Variants in ZNF503 observed in about 807,000 individuals in gnomAD.
ZNF503 encodes zinc finger protein 503.
Under a neutral mutation model 34.4 loss-of-function variants are expected in ZNF503, and 15 were observed. That is an observed-to-expected ratio of 0.44 (90% CI 0.29 to 0.67). The LOEUF (loss-of-function observed/expected upper bound fraction) is 0.67. Among genes scored for constraint, ZNF503 ranks in the 30% least tolerant of loss-of-function variants. The pLI is 0.13. For synonymous variants in ZNF503, 580 were observed against 456.8 expected (o/e 1.27, Z -3.44); for missense variants, 1,007 against 926.8 (o/e 1.09, Z -1.12).
chr10:75,341,146 C>T, the ZNF503 span, among the ~76,000 whole-genome samples: 1 of 152,166 alleles, frequency 6.6e-6, no homozygotes, highest in African/African-American at 2.4e-5. Context: ...AGACTGTGTA[C>T]ATTACTTTGC....
chr10:75,362,472 G>A, the ZNF503 span, among the ~76,000 whole-genome samples: 1 of 151,940 alleles, frequency 6.6e-6, no homozygotes, highest in East Asian at 1.9e-4. Flanking sequence ...CACCAGAGCA[G>A]GGCCACCCAC....
At chr10:75,395,445 C>G (rs981588075), downstream of ZNF503, among the ~76,000 whole-genome samples, 4 of 152,092 alleles carry the variant, frequency 2.6e-5, no homozygotes, top group Non-Finnish European at 4.4e-5. This position sits in a 1 kb window ranked among gnomAD's most constrained non-coding sequence, Gnocchi z 4.4. Flanking sequence ...GCGCGCTGGC[C>G]GGGGTTCCAG....
chr10:75,297,624 C>A, the ZNF503 span, among the ~76,000 whole-genome samples: 1 of 152,204 alleles, frequency 6.6e-6, no homozygotes, highest in African/African-American at 2.4e-5. Context: ...CTCACAGAGA[C>A]CCAAGAGCAG....
chr10:75,345,647 A>AG, the ZNF503 span, among the ~76,000 whole-genome samples: 3 of 151,166 alleles, frequency 2.0e-5, no homozygotes, highest in Non-Finnish European at 3.0e-5. Flanking sequence ...AAAAAAAAAA[A>AG]AAAAAGAAAA....
chr10:75,335,273 G>A, the ZNF503 span, among the ~76,000 whole-genome samples: 7 of 152,222 alleles, frequency 4.6e-5, no homozygotes, highest in South Asian at 2.1e-4. Context: ...CTATATTGGC[G>A]TTTGCTATCA....
At chr10:75,317,359 G>A in the ZNF503 span, among the ~76,000 whole-genome samples, 82 of 125,100 alleles carry the variant, frequency 6.6e-4, 1 homozygote, top group African/African-American at 2.4e-3. Flanking sequence ...CTCACTGCAA[G>A]CTCCATCTCT....
chr10:75,361,664 A>G, the ZNF503 span: 1 of 152,320 alleles, frequency 6.6e-6, no homozygotes, highest in Non-Finnish European at 1.5e-5. Flanking sequence ...TGACCATTAA[A>G]TCATTTACAT....
the ZNF503 span, among the ~76,000 whole-genome samples, chr10:75,385,794 CA>C: frequency 1.3e-5 from 2 of 151,912 alleles, no homozygotes; most frequent in Non-Finnish European, 2.9e-5. Context: ...ATACAACTGG[CA>C]GAATGACTGT....
chr10:75,333,264 CG>C, the ZNF503 span, among the ~76,000 whole-genome samples: 2 of 87,612 alleles, frequency 2.3e-5, no homozygotes, highest in Non-Finnish European at 4.6e-5. Context: ...CCGGACGGGG[CG>C]GCTGGCCGGG....
chr10:75,397,829 G>A (rs1843719674), downstream of ZNF503: 1 of 152,576 alleles, frequency 6.6e-6, no homozygotes, highest in Non-Finnish European at 1.5e-5. Flanking sequence ...AAGATAAGAA[G>A]AAGAAGTAAA....
At chr10:75,292,830 T>G in the ZNF503 span, among the ~76,000 whole-genome samples, 9 of 152,234 alleles carry the variant, frequency 5.9e-5, no homozygotes, top group African/African-American at 2.2e-4. Context: ...CCCTGGGATC[T>G]CGTGTCTGCT....
chr10:75,325,831 T>C, the ZNF503 span, among the ~76,000 whole-genome samples: 3 of 151,722 alleles, frequency 2.0e-5, no homozygotes, highest in Non-Finnish European at 2.9e-5. Flanking sequence ...ATCCTGCACA[T>C]ATTTTGGGGG....
chr10:75,393,867 T>A (rs1376736913), downstream of ZNF503, among the ~76,000 whole-genome samples: 1 of 150,956 alleles, frequency 6.6e-6, no homozygotes, highest in Non-Finnish European at 1.5e-5. Flanking sequence ...TCAAAAAAAA[T>A]AAAATAAAAC....
rs552779373 is a variant in ZNF503, at chr10:75,401,448, G to C, written c.-29C>G. On this transcript the variant is annotated 5_prime_UTR_variant, in exon 1 of 2. Coordinates refer to ENST00000372524, the MANE Select transcript of ZNF503 (RefSeq NM_032772.6). ...CCACCCGCGCGCATGGGAGCAGCGG[G>C]GGGGAGGGCTCCGGGAGGCGCGGGG... The C allele has an allele frequency of 4.3e-5, 66 of 1,521,062 alleles. No individual in the cohort carries two copies. The highest frequency in any genetic ancestry group is 1.3e-4 in the South Asian group (11 of 82,282). 94.2% of individuals were successfully genotyped at this position (1,521,062 alleles called of 1,614,324 possible).
At chr10:75,283,112 G>A in the ZNF503 span, among the ~76,000 whole-genome samples, 2 of 152,242 alleles carry the variant, frequency 1.3e-5, no homozygotes, top group African/African-American at 4.8e-5. Context: ...GCACAGGGAG[G>A]GAAGCTAGGG....
the ZNF503 span, among the ~76,000 whole-genome samples, chr10:75,342,708 T>C: frequency 1.3e-5 from 2 of 152,104 alleles, 1 homozygote; most frequent in South Asian, 4.1e-4. Flanking sequence ...CTCCTGGCTT[T>C]GATAGCTTTG....
chr10:75,360,114 CTTTTTTTTTTTT>C, the ZNF503 span, among the ~76,000 whole-genome samples: 3 of 108,488 alleles, frequency 2.8e-5, no homozygotes, highest in Non-Finnish European at 5.5e-5. Flanking sequence ...CCAAAGGTTT[CTTTTTTTTTTTT>C]TTTTTTTTTT....
At chr10:75,350,564 GT>G in the ZNF503 span, 2 of 152,194 alleles carry the variant, frequency 1.3e-5, no homozygotes, top group Middle Eastern at 3.4e-3. Flanking sequence ...TGTTTTCCTT[GT>G]TTTTTTGAGA....
the ZNF503 span, among the ~76,000 whole-genome samples, chr10:75,294,699 C>CGGGGAAGGAAGAGAGAGGAGGGGT: frequency 1.7e-5 from 1 of 59,198 alleles, no homozygotes; most frequent in African/African-American, 6.5e-5. Flanking sequence ...CTGAGCGGAG[C>CGGGGAAGGAAGAGAGAGGAGGGGT]GGGGAAGGAA....
Sources: allele counts gnomAD v4.1 joint callset (sites outside exome capture counted in the v4.1 genomes callset), GRCh38; gene constraint gnomAD v4.1.1; non-coding constraint Gnocchi (gnomAD v3.1); transcripts MANE v1.5; gene names NCBI Gene and HGNC (gene_info 2026-07-23, HGNC 2026-07-21).